The following CHP1 variants were observed in gnomAD, a reference collection of about 807,000 sequenced individuals.
CHP1 encodes calcineurin B homologous protein 1.
Under a neutral mutation model 27.4 loss-of-function variants are expected in CHP1, and 11 were observed. The ratio of observed to expected loss-of-function variants is 0.40; its 90% confidence interval spans 0.25 to 0.67. The LOEUF (loss-of-function observed/expected upper bound fraction) is 0.67. Ranked by LOEUF, CHP1 falls within the 30% of genes least tolerant of loss-of-function variation. The pLI is 0.38. For synonymous variants in CHP1, 89 were observed against 87.4 expected, an observed-to-expected ratio of 1.02 and a Z score of -0.10; for missense variants, 169 against 251.3, an observed-to-expected ratio of 0.67 and a Z score of 2.22.
At chr15:41,258,755 C>T (rs576038346) in intron 3 of CHP1, among the ~76,000 whole-genome samples, 2 of 152,262 alleles carry the variant, frequency 1.3e-5, no homozygotes, top group South Asian at 4.1e-4. Flanking sequence ...ATTTCCTAAA[C>T]AATCTATTCC....
chr15:41,264,092 C>T lies in CHP1; in HGVS notation c.349+1209C>T, dbSNP rs921666470. The T allele has an allele frequency of 1.2e-5, 9 of 771,100 alleles. No individual in the cohort carries two copies. In the African/African-American group the frequency reaches 1.6e-4, roughly 14 times the overall value. The allele number at this position is 771,100 out of a possible 1,614,324, so 47.8% of individuals were successfully genotyped here. Reference sequence around the variant, plus strand: ...TGCCATCCTCATAGTCTGTTTTATCCTAAAGTATTATGGTCACATGGCAGC... The same window carrying T: ...TGCCATCCTCATAGTCTGTTTTATCTTAAAGTATTATGGTCACATGGCAGC... On this transcript the variant is annotated intron_variant, in intron 4 of 6. Transcript: ENST00000334660.
At chr15:41,252,818 G>A (rs2047376710) in intron 2 of CHP1, among the ~76,000 whole-genome samples, 2 of 149,598 alleles carry the variant, frequency 1.3e-5, no homozygotes, top group Admixed American at 1.3e-4. Flanking sequence ...CAGTGATACT[G>A]TCTTTTTCTA....
intron 5 of CHP1, among the ~76,000 whole-genome samples, chr15:41,271,250 G>A (rs28671712): frequency 0.26 from 28,636 of 112,136 alleles, 3,388 homozygotes; most frequent in Non-Finnish European, 0.28. Context: ...GCAAGATTCC[G>A]TCTCAAAAAA....
chr15:41,239,869 C>G (rs374419757), intron 1 of CHP1, among the ~76,000 whole-genome samples: 2 of 152,084 alleles, frequency 1.3e-5, no homozygotes, highest in South Asian at 4.1e-4. Flanking sequence ...CTCCGCCTCC[C>G]AGGTTCAAAC....
intron 4 of CHP1, 43 bp from the exon 5 acceptor site, chr15:41,270,514 C>T: frequency 6.8e-7 from 1 of 1,470,178 alleles, no homozygotes; most frequent in Non-Finnish European, 9.5e-7. Flanking sequence ...GAAGGGGCAA[C>T]ACACTACAGA....
In CHP1 at chr15:41,281,587, CAG is replaced by C. The variant is rs1169156228; in HGVS notation, c.*2199_*2200del. On this transcript the variant is annotated 3_prime_UTR_variant, in exon 7 of 7. Coordinates refer to ENST00000334660, the MANE Select transcript of CHP1 (RefSeq NM_007236.5). Reference sequence around the variant, plus strand: ...CAAAGTGATGGAAAAGGGTGGAGAACAGGGGAGTAGCCAGGCTGGATGGCTCA... The same window carrying C: ...CAAAGTGATGGAAAAGGGTGGAGAACGGGAGTAGCCAGGCTGGATGGCTCA... The C allele has an allele frequency of 1.3e-5, 2 of 152,554 alleles. No homozygotes were observed. The highest frequency in any genetic ancestry group is 2.9e-5 in the Non-Finnish European group (2 of 68,032). 9.5% of individuals were successfully genotyped at this position (152,554 alleles called of 1,614,324 possible).
At chr15:41,259,502 C>G (rs1055435536) in intron 3 of CHP1, among the ~76,000 whole-genome samples, 49 of 149,432 alleles carry the variant, frequency 3.3e-4, no homozygotes, top group African/African-American at 1.1e-3. Flanking sequence ...TTTCTTTCTT[C>G]CCTAGGCATA....
At chr15:41,278,991 T>C in intron 6 of CHP1, 102 bp downstream of exon 6, 7 of 1,421,666 alleles carry the variant, frequency 4.9e-6, no homozygotes, top group Non-Finnish European at 6.8e-6. Flanking sequence ...GGTGGGCGGA[T>C]CACGAGGTCA....
chr15:41,231,329 C>G lies in CHP1; in HGVS notation c.-54C>G. The G allele has an allele frequency of 6.6e-7, 1 of 1,519,510 alleles. No individual in the cohort carries two copies. The allele number at this position is 1,519,510 out of a possible 1,614,324, so 94.1% of individuals were successfully genotyped here. Reference sequence around the variant, plus strand: ...CCCTTCCTTCCCTCCCTCCTTCCCTCCTGTCGCCGTCTCTTCTGGCGCCGC... The same window carrying G: ...CCCTTCCTTCCCTCCCTCCTTCCCTGCTGTCGCCGTCTCTTCTGGCGCCGC... On this transcript the variant is annotated 5_prime_UTR_variant, in exon 1 of 7. Transcript: ENST00000334660.
At chr15:41,267,669 GAA>G (rs922627185) in intron 4 of CHP1, among the ~76,000 whole-genome samples, 1 of 108,952 alleles carries the variant, frequency 9.2e-6, no homozygotes, top group Non-Finnish European at 2.0e-5. Context: ...CTCCCAAAAA[GAA>G]AAAAAAAAAA....
chr15:41,252,927 G>GTTTT (rs144891496), intron 2 of CHP1, among the ~76,000 whole-genome samples: 10 of 65,790 alleles, frequency 1.5e-4, no homozygotes, highest in East Asian at 5.8e-4. Context: ...ATTTCACATG[G>GTTTT]TTTTTTTTTT....
intron 2 of CHP1, among the ~76,000 whole-genome samples, chr15:41,248,683 TGA>T (rs781227133): frequency 6.6e-6 from 1 of 151,908 alleles, no homozygotes; most frequent in African/African-American, 2.4e-5. Flanking sequence ...GAGGCTGAGG[TGA>T]GAGGATTCCT....
At chr15:41,258,108 C>T (rs888477956) in intron 3 of CHP1, among the ~76,000 whole-genome samples, 1 of 152,044 alleles carries the variant, frequency 6.6e-6, no homozygotes, top group Non-Finnish European at 1.5e-5. Flanking sequence ...ACATACATGC[C>T]TACATGTACG....
In CHP1 at chr15:41,279,396, C is replaced by T. The variant is rs771190554; in HGVS notation, c.*7C>T. ...CATCCGATTTCTTCACTAAAGGAGA[C>T]CAAACTGTTCCTTGCGGTCTAGTAT... On this transcript the variant is annotated 3_prime_UTR_variant, in exon 7 of 7. Transcript: ENST00000334660. 1 of 1,611,322 alleles carries T rather than the reference C, an allele frequency of 6.2e-7. No homozygotes were observed. Among genetic ancestry groups the T allele is most frequent in the South Asian group, 1.1e-5 (1 of 90,962 alleles).
At chr15:41,273,885 G>T (rs766512236) in intron 5 of CHP1, among the ~76,000 whole-genome samples, 2 of 151,452 alleles carry the variant, frequency 1.3e-5, no homozygotes, top group Non-Finnish European at 2.9e-5. Context: ...AGGTTGCAGT[G>T]AGCTGAGATC....
intron 1 of CHP1, among the ~76,000 whole-genome samples, chr15:41,235,804 T>TTGGAGG (rs1332490662): frequency 6.6e-6 from 1 of 152,298 alleles, no homozygotes; most frequent in East Asian, 1.9e-4. Flanking sequence ...AAATTCAACT[T>TTGGAGG]CAGGTTTCTC....
chr15:41,250,896 C>T (rs1347584258), intron 2 of CHP1, among the ~76,000 whole-genome samples: 1 of 151,424 alleles, frequency 6.6e-6, no homozygotes, highest in South Asian at 2.1e-4. Context: ...GAGGCACAAT[C>T]TCGGCTCACT....
chr15:41,242,408 T>A (rs192275902), intron 1 of CHP1, among the ~76,000 whole-genome samples: 2 of 152,318 alleles, frequency 1.3e-5, no homozygotes, highest in East Asian at 1.9e-4. Flanking sequence ...TACACCTACC[T>A]AGCAGTACAG....
intron 3 of CHP1, 57 bp from the exon 4 acceptor site, chr15:41,262,699 A>T: frequency 1.2e-6 from 2 of 1,600,192 alleles, no homozygotes; most frequent in South Asian, 1.1e-5. Flanking sequence ...TATTTAATTC[A>T]TAAGAAATAA....
Sources: allele counts gnomAD v4.1 joint callset (sites outside exome capture counted in the v4.1 genomes callset), GRCh38; gene constraint gnomAD v4.1.1; transcripts MANE v1.5; gene names NCBI Gene and HGNC (gene_info 2026-07-23, HGNC 2026-07-21).